The following SMG6 variants were observed in gnomAD, a reference collection of about 807,000 sequenced individuals.
The protein encoded by SMG6 is SMG6 nonsense mediated mRNA decay factor.
SMG6 carries 66 observed loss-of-function variants against 142.2 expected under a neutral mutation model. The ratio of observed to expected loss-of-function variants is 0.46; its 90% CI spans 0.38 to 0.57. The LOEUF (loss-of-function observed/expected upper bound fraction) is 0.57, where lower values mean the gene tolerates loss of function less well. Ranked by LOEUF, SMG6 falls within the 20% of genes least tolerant of loss-of-function variation. The probability of loss-of-function intolerance (pLI) is 0.00; values close to 1 mark genes in which losing one functional copy is unlikely to be tolerated. For missense variants in SMG6, 1,793 were observed against 1,832.0 expected (o/e 0.98, Z 0.39); for synonymous variants, 779 against 702.4 (o/e 1.11, Z -1.72).
chr17:2,146,061 A>T (rs1267767192), intron 13 of SMG6, among the ~76,000 whole-genome samples: 3 of 152,160 alleles, frequency 2.0e-5, no homozygotes, highest in Non-Finnish European at 2.9e-5. Flanking sequence ...ACAACAGGAG[A>T]AAAAGGGCCT....
At position 2,095,522 on chromosome 17, in the gene SMG6, C is replaced by G. The variant is rs145979915; in HGVS notation, c.3358-9621G>C. The stretch of plus-strand genomic sequence containing the variant: ...TGTGTGAGGCACTGTCCTCCAGACC[C>G]TGGGGACTCATCACAGAACAAAGGA... On this transcript the variant is annotated intron_variant, in intron 13 of 18. Transcript: ENST00000263073. Among the ~76,000 whole-genome samples the G allele has an allele frequency of 3.4e-4, 52 of 152,316 alleles. No individual in the cohort carries two copies. In the East Asian group the frequency reaches 9.4e-3, roughly 28 times the overall value.
intron 13 of SMG6, among the ~76,000 whole-genome samples, chr17:2,154,208 C>G (rs1456866071): frequency 7.6e-6 from 1 of 132,118 alleles, no homozygotes; most frequent in African/African-American, 2.9e-5. Context: ...TGGGGATGCA[C>G]GCAGAGTGTG....
At chr17:2,211,641 G>C (rs1290810759) in intron 10 of SMG6, among the ~76,000 whole-genome samples, 2 of 147,498 alleles carry the variant, frequency 1.4e-5, no homozygotes, top group African/African-American at 2.5e-5. Context: ...TCCAGCCTGG[G>C]AGACAGAGCG....
At chr17:2,303,235 C>T in intron 1 of SMG6, 2 of 1,028,194 alleles carry the variant, frequency 1.9e-6, no homozygotes, top group South Asian at 4.5e-5. Context: ...GACGTTAAAG[C>T]GGTGGCCGGG....
chr17:2,193,176 G>C lies in SMG6; in HGVS notation c.2870-4661C>G, dbSNP rs555134487. Among the ~76,000 whole-genome samples the C allele has an allele frequency of 4.6e-5, 7 of 152,324 alleles. No individual in the cohort carries two copies. In the East Asian group the frequency reaches 1.3e-3, roughly 29 times the overall value. On this transcript the variant is annotated intron_variant, in intron 10 of 18. Transcript: ENST00000263073. ...GTGGATCCCTCAGGGCTTGGGTGCT[G>C]TCTATGTGGTAGTGGCTGAATTCTT...
chr17:2,297,209 T>A (rs937228944), intron 4 of SMG6, 34 bp downstream of exon 4: 1 of 1,487,910 alleles, frequency 6.7e-7, no homozygotes, highest in Admixed American at 1.9e-5. Context: ...ACGAAATGAA[T>A]GAAAATTTAA....
chr17:2,129,793 C>CAAAAAAAAAAAAAAAA (rs57556112), intron 13 of SMG6, among the ~76,000 whole-genome samples: 4 of 56,320 alleles, frequency 7.1e-5, no homozygotes, highest in South Asian at 6.8e-4. Context: ...GGCTCTGTCT[C>CAAAAAAAAAAAAAAAA]AAAAAAAAAA....
intron 16 of SMG6, among the ~76,000 whole-genome samples, chr17:2,066,774 T>C (rs1597323580): frequency 6.6e-6 from 1 of 151,862 alleles, no homozygotes; most frequent in African/African-American, 2.4e-5. Context: ...GGTAGATGGG[T>C]GTATGGTACA....
In SMG6 at chr17:2,081,846, C is replaced by G. The variant is rs1473045706; in HGVS notation, c.3645G>C (p.Lys1215Asn). ...LRAKKLALAR[K>N]IAEQQRRQEK... ...CCTGGCGACGCTGCTGCTCAGCTATCTTCCTGGCCAGAGCCAGCTTCTTGG... is the reference window on the plus strand; with the variant it reads ...CCTGGCGACGCTGCTGCTCAGCTATGTTCCTGGCCAGAGCCAGCTTCTTGG... Residue 1215 changes from lysine to asparagine, a missense_variant, in exon 15 of 19, where the codon AAG becomes AAC. Physicochemically the swap from Lys to Asn is moderately conservative, Grantham distance 94. Coordinates refer to ENST00000263073, the MANE Select transcript of SMG6 (RefSeq NM_017575.5). 17 of 1,613,900 alleles carry G rather than the reference C, an allele frequency of 1.1e-5. No individual in the cohort carries two copies. Among genetic ancestry groups the G allele is most frequent in the Non-Finnish European group, 7.6e-6 (9 of 1,180,046 alleles).
At chr17:2,267,751 A>AT (rs5818852) in intron 8 of SMG6, among the ~76,000 whole-genome samples, 56 of 139,168 alleles carry the variant, frequency 4.0e-4, no homozygotes, top group African/African-American at 6.5e-4. Context: ...TTTTATTATT[A>AT]TTTTTTTTTT....
chr17:2,281,523 C>A (rs919423056), intron 8 of SMG6, among the ~76,000 whole-genome samples: 8 of 152,146 alleles, frequency 5.3e-5, no homozygotes, highest in African/African-American at 1.9e-4. Flanking sequence ...TTCTTCCCAC[C>A]TCCAAAGCCA....
rs572379890 is a variant in SMG6 at position 2,183,242 on chromosome 17, A to G, written c.3155+3421T>C. On this transcript the variant is annotated intron_variant, in intron 12 of 18. Transcript: ENST00000263073. ...CCCTGGGAAAGGAAGGTAGGAAGGC[A>G]GGAAGGGAGGGAAGAAGGAAAAAGA... Among the ~76,000 whole-genome samples the G allele has an allele frequency of 2.8e-5, 4 of 143,732 alleles. No individual in the cohort carries two copies. The South Asian group carries it at 1.0e-3, about 36-fold the overall frequency. The allele number at this position is 143,732 out of a possible 152,430, so 94.3% of individuals were successfully genotyped here.
chr17:2,219,284 C>T (rs34264719), intron 10 of SMG6, among the ~76,000 whole-genome samples: 48,063 of 152,004 alleles, frequency 0.32, 8,061 homozygotes, highest in Admixed American at 0.38. Context: ...ACATCGGAGG[C>T]TGAGGCAGGA....
At chr17:2,205,653 A>T (rs564505171) in intron 10 of SMG6, among the ~76,000 whole-genome samples, 1 of 152,318 alleles carries the variant, frequency 6.6e-6, no homozygotes. Flanking sequence ...ATTATTAGAA[A>T]GGAATAAGTA....
chr17:2,178,655 C>T (rs1165498396), intron 12 of SMG6, among the ~76,000 whole-genome samples: 1 of 152,194 alleles, frequency 6.6e-6, no homozygotes, highest in Non-Finnish European at 1.5e-5. Context: ...CCATCCACTG[C>T]CCCCAATATG....
intron 13 of SMG6, among the ~76,000 whole-genome samples, chr17:2,127,277 C>T (rs750519240): frequency 5.3e-5 from 8 of 151,752 alleles, no homozygotes; most frequent in South Asian, 2.1e-4. Context: ...GTAATGGTTA[C>T]GGCGTTTGGA....
At chr17:2,238,106 C>T (rs543374381) in intron 9 of SMG6, among the ~76,000 whole-genome samples, 6 of 152,282 alleles carry the variant, frequency 3.9e-5, no homozygotes, top group Non-Finnish European at 2.9e-5. Context: ...AAGTGTCCTC[C>T]CTGGATTAGA....
At chr17:2,112,389 T>A (rs1456285522) in intron 13 of SMG6, among the ~76,000 whole-genome samples, 1 of 150,134 alleles carries the variant, frequency 6.7e-6, no homozygotes, top group African/African-American at 2.4e-5. Flanking sequence ...GCGTCTGGAG[T>A]CCCAGCTACT....
chr17:2,104,537 T>G (rs901487091), intron 13 of SMG6, among the ~76,000 whole-genome samples: 10 of 151,108 alleles, frequency 6.6e-5, no homozygotes, highest in Admixed American at 1.3e-4. Context: ...TTTAAAGAGG[T>G]TAAGGGGGTT....
Sources: gnomAD v4.1 joint callset for allele counts (sites outside exome capture counted in the v4.1 genomes callset) on GRCh38, gnomAD v4.1.1 for gene constraint, MANE v1.5 for transcripts, NCBI Gene and HGNC (gene_info 2026-07-23, HGNC 2026-07-21) for gene names.